Variants in NOTCH3 observed in about 807,000 individuals in gnomAD.
NOTCH3 encodes neurogenic locus notch homolog protein 3.
In NOTCH3, 86 loss-of-function variants were observed where a neutral mutation model predicts 213.3. That is an observed-to-expected ratio of 0.40 (90% CI 0.34 to 0.48). The LOEUF is 0.48. NOTCH3 is among the 20% of genes least tolerant of loss of function. NOTCH3 has a pLI of 0.57. For missense variants in NOTCH3, 2,783 were observed against 3,272.6 expected (o/e 0.85, Z 3.65); for synonymous variants, 1,354 against 1,355.9 (o/e 1.00, Z 0.03).
In NOTCH3 at chr19:15,193,784, AAACAAAAAAAAC is replaced by A. The variant is rs1568362658; in HGVS notation, c.198-1277_198-1266del. Reference sequence around the variant, plus strand: ...AGACTCCATCTCAAAAAAAAACAAAAAACAAAAAAAACAAACAGGCCAGGCGCAGTGGCTCAT... The same window carrying A: ...AGACTCCATCTCAAAAAAAAACAAAAAAACAGGCCAGGCGCAGTGGCTCAT... On this transcript the variant is annotated intron_variant, in intron 2 of 32. Coordinates refer to ENST00000263388, the MANE Select transcript of NOTCH3 (RefSeq NM_000435.3). Among the ~76,000 whole-genome samples, 11 of 134,768 alleles carry A rather than the reference AAACAAAAAAAAC, an allele frequency of 8.2e-5. 2 individuals are homozygous for A. The highest frequency in any genetic ancestry group is 1.3e-4 in the Non-Finnish European group (8 of 60,928). The allele number at this position is 134,768 out of a possible 152,430, so 88.4% of individuals were successfully genotyped here.
At chr19:15,169,468 C>G (rs1388257963) in intron 28 of NOTCH3, among the ~76,000 whole-genome samples, 1 of 150,972 alleles carries the variant, frequency 6.6e-6, no homozygotes, top group Non-Finnish European at 1.5e-5. Context: ...GTGCCAGGTT[C>G]AAGGGATTCT....
intron 16 of NOTCH3, among the ~76,000 whole-genome samples, chr19:15,183,641 C>T (rs949155904): frequency 2.0e-5 from 3 of 152,248 alleles, no homozygotes; most frequent in South Asian, 2.1e-4. Context: ...TCAGGTGATC[C>T]GCCCACCTTG....
At chr19:15,176,762 T>TAAAA (rs61399527) in intron 24 of NOTCH3, among the ~76,000 whole-genome samples, 4 of 55,640 alleles carry the variant, frequency 7.2e-5, no homozygotes, top group African/African-American at 3.6e-4. Flanking sequence ...GACCCTGTCT[T>TAAAA]AAAAAAAAAA....
intron 25 of NOTCH3, among the ~76,000 whole-genome samples, chr19:15,171,129 G>A (rs1456967465): frequency 2.0e-5 from 3 of 152,144 alleles, no homozygotes; most frequent in Non-Finnish European, 4.4e-5. Context: ...GGGTTCAAGC[G>A]ATTCTCCTGC....
In NOTCH3 at chr19:15,192,182, G is replaced by T. The variant is rs797045014; in HGVS notation, c.457C>A (p.Arg153Ser). ...TCATCCACGTCGCTTCGGCAGCTGC[G>T]GCCCTGGTAGCCAGGTGGGCAGGAG... ...LCSCPPGYQG[R>S]SCRSDVDECR... The change falls in exon 4 of 33, where the codon CGC (arginine) becomes AGC (serine). Residue 153 changes from arginine (R) to serine (S), a missense_variant. By Grantham distance (110) the Arg-to-Ser change is moderately radical. This residue lies in a region of NOTCH3 where 708 missense variants were observed against 906.6 expected (regional missense o/e 0.78). Coordinates refer to ENST00000263388, the MANE Select transcript of NOTCH3 (RefSeq NM_000435.3). 4.3e-6 allele frequency: 7 copies of T among 1,612,464 alleles called. No individual in the cohort carries two copies. The highest frequency in any genetic ancestry group is 1.3e-5 in the African/African-American group (1 of 75,006).
intron 24 of NOTCH3, among the ~76,000 whole-genome samples, chr19:15,176,357 G>A (rs952863479): frequency 2.6e-5 from 4 of 151,848 alleles, no homozygotes; most frequent in South Asian, 4.2e-4. Flanking sequence ...TAGTAGAGAC[G>A]GAGTTTCACC....
At chr19:15,194,522 T>C (rs1162123943) in intron 2 of NOTCH3, among the ~76,000 whole-genome samples, 1 of 152,130 alleles carries the variant, frequency 6.6e-6, no homozygotes, top group African/African-American at 2.4e-5. Context: ...CGTAGGAAGC[T>C]AAACCACAGG....
At chr19:15,200,752 C>T in intron 1 of NOTCH3, 36 bp downstream of exon 1, 3 of 1,253,368 alleles carry the variant, frequency 2.4e-6, no homozygotes, top group Non-Finnish European at 3.0e-6. Flanking sequence ...CCCCCTCTGC[C>T]GCCCTCGTCC....
At chr19:15,161,819 C>T in intron 32 of NOTCH3, 105 bp from the exon 33 acceptor site, 1 of 943,294 alleles carries the variant, frequency 1.1e-6, no homozygotes. Flanking sequence ...TACACTGGAG[C>T]TTGACAGACC....
At position 15,187,349 on chromosome 19, in the gene NOTCH3, A is replaced by G. The variant is rs1867164996; in HGVS notation, c.1607-11T>C. 1.1e-5 allele frequency: 17 copies of G among 1,610,748 alleles called. No homozygotes were observed. Among genetic ancestry groups the G allele is most frequent in the Non-Finnish European group, 1.3e-5 (15 of 1,178,388 alleles). On this transcript the variant is annotated splice_polypyrimidine_tract_variant and intron_variant, in intron 10 of 32. Transcript: ENST00000263388. Reference sequence around the variant, plus strand: ...GCGTGCCCTCAAAGCCTGTGGGGCCAAGAGGGTCAGGCTCCGCCCACTTGC... The same window carrying G: ...GCGTGCCCTCAAAGCCTGTGGGGCCGAGAGGGTCAGGCTCCGCCCACTTGC...
chr19:15,164,953 C>CA, intron 31 of NOTCH3, among the ~76,000 whole-genome samples: 1 of 152,064 alleles, frequency 6.6e-6, no homozygotes, highest in East Asian at 1.9e-4. Context: ...GCTAATCTTT[C>CA]AAAAAACTTT....
Position 15,192,255 on chromosome 19 carries a change from A to G in NOTCH3, c.384T>C (p.Cys128=), listed in dbSNP as rs2145442432. The change falls in exon 4 of 33, where the codon TGT becomes TGC. Residue 128 remains cysteine, a synonymous_variant. Coordinates refer to ENST00000263388, the MANE Select transcript of NOTCH3 (RefSeq NM_000435.3). ...CCACTGAGCAGCGGGCACCGTGGGC[A>G]CAAGGGCTGCTGAGGCAGGGATCTG... ...SLPDPCLSSP[C]AHGARCSVGP... 1 of 1,602,138 alleles carries G rather than the reference A, an allele frequency of 6.2e-7. No homozygotes were observed. Among genetic ancestry groups the G allele is most frequent in the Non-Finnish European group, 8.5e-7 (1 of 1,174,926 alleles).
intron 24 of NOTCH3, 105 bp downstream of exon 24, chr19:15,177,420 A>C: frequency 9.5e-7 from 1 of 1,047,634 alleles, no homozygotes; most frequent in Non-Finnish European, 1.4e-6. Flanking sequence ...ACAGAGAAAC[A>C]GACGGGGCAA....
At chr19:15,162,093 T>C (rs2046649733) in intron 32 of NOTCH3, among the ~76,000 whole-genome samples, 1 of 149,180 alleles carries the variant, frequency 6.7e-6, no homozygotes, top group Non-Finnish European at 1.5e-5. Context: ...GCGATTCTCC[T>C]GCCTCAGCCT....
chr19:15,192,076 C>A lies in NOTCH3; in HGVS notation c.563G>T (p.Gly188Val). 1 of 1,613,246 alleles carries A rather than the reference C, an allele frequency of 6.2e-7. No homozygotes were observed. Among genetic ancestry groups the A allele is most frequent in the Non-Finnish European group, 8.5e-7 (1 of 1,180,038 alleles). The change falls in exon 4 of 33, where the codon GGC (glycine) becomes GTC (valine). Residue 188 changes from glycine (G) to valine (V), a missense_variant. Physicochemically the swap from Gly to Val is moderately radical, Grantham distance 109. Coordinates refer to ENST00000263388, the MANE Select transcript of NOTCH3 (RefSeq NM_000435.3). ...GTTCTCACATAGTGGCCCTGTGTAG[C>A]CAGCTGGACACTGGCAGCGGAAGGA... Reference protein sequence around the residue: ...PGSFRCQCPAGYTGPLCENPA... With the variant: ...PGSFRCQCPAVYTGPLCENPA...
intron 2 of NOTCH3, 59 bp downstream of exon 2, chr19:15,197,441 G>GGGGGGGCCCCCCCC: frequency 1.3e-6 from 1 of 768,362 alleles, no homozygotes; most frequent in Non-Finnish European, 2.3e-6. Flanking sequence ...AAGACAAATC[G>GGGGGGGCCCCCCCC]CCCCTCCCCC....
rs376950447 is a variant in NOTCH3, at chr19:15,179,472, T to A, written c.3352A>T (p.Asn1118Tyr). The A allele has an allele frequency of 2.7e-5, 44 of 1,613,880 alleles. No homozygotes were observed. The highest frequency in any genetic ancestry group is 3.6e-5 in the Non-Finnish European group (42 of 1,180,006). ...CECLPGYNGD[N>Y]CEDDVDECAS... ...CACTCGTCCACGTCGTCCTCACAGT[T>A]ATCACCATTGTAGCCAGGAAGACAC... Residue 1118 changes from asparagine to tyrosine, a missense_variant, in exon 21 of 33, where the codon AAC (asparagine) becomes TAC (tyrosine). Asn to Tyr is a moderately radical substitution (Grantham distance 143). Transcript: ENST00000263388.
In NOTCH3 at chr19:15,184,311, G is replaced by A. The variant is rs1338108383; in HGVS notation, c.2550C>T (p.Ile850=). Residue 850 remains isoleucine, a synonymous_variant, in exon 16 of 33, where the codon ATC becomes ATT. Transcript: ENST00000263388. Reference sequence around the variant, plus strand: ...TGCACTCACTGGGGTCACAGTCATTGATGTCCTGATCGCAGGAAGGGCCAG... The same window carrying A: ...TGCACTCACTGGGGTCACAGTCATTAATGTCCTGATCGCAGGAAGGGCCAG... The part of the protein sequence containing the change: ...GYTGPSCDQD[I]NDCDPNPCLN... 1 of 1,613,974 alleles carries A rather than the reference G, an allele frequency of 6.2e-7. No individual in the cohort carries two copies. The highest frequency in any genetic ancestry group is 1.7e-5 in the Admixed American group (1 of 60,014).
At position 15,165,127 on chromosome 19, in the gene NOTCH3, T is replaced by C. The variant is rs2046674999; in HGVS notation, c.5815+241A>G. Among the ~76,000 whole-genome samples, 1 of 152,086 alleles carries C rather than the reference T, an allele frequency of 6.6e-6. No individual in the cohort carries two copies. Among genetic ancestry groups the C allele is most frequent in the Non-Finnish European group, 1.5e-5 (1 of 68,018 alleles). ...TTCCAGCAGGTGGAAGTACAGTGTG[T>C]CCGTCTAACAAAGCAGGTGGAAATG... is the stretch of plus-strand genomic sequence containing the variant. On this transcript the variant is annotated intron_variant, in intron 31 of 32. Transcript: ENST00000263388. The surrounding 1 kb of genome is among the most constrained non-coding windows in gnomAD (Gnocchi z 4.7).
Sources: allele counts gnomAD v4.1 joint callset (sites outside exome capture counted in the v4.1 genomes callset), GRCh38; gene constraint gnomAD v4.1.1; regional missense constraint gnomAD v4.1.1; non-coding constraint Gnocchi (gnomAD v3.1); transcripts MANE v1.5; gene names NCBI Gene and HGNC (gene_info 2026-07-23, HGNC 2026-07-21).